The following PTGER3 variants were observed in gnomAD, a reference collection of about 807,000 sequenced individuals.
The protein encoded by PTGER3 is prostaglandin E receptor 3.
A neutral mutation model predicts 34.7 loss-of-function variants in PTGER3; 22 were observed. The observed-to-expected ratio is 0.63, with a 90% CI of 0.45 to 0.91. The LOEUF (loss-of-function observed/expected upper bound fraction) is 0.91, where lower values mean the gene tolerates loss of function less well. Among genes scored for constraint, PTGER3 ranks in the 40% least tolerant of loss-of-function variants. PTGER3 has a pLI of 0.00. For synonymous variants in PTGER3, 241 were observed against 230.1 expected, an observed-to-expected ratio of 1.05 and a Z score of -0.43; for missense variants, 468 against 519.4, an observed-to-expected ratio of 0.90 and a Z score of 0.96.
At chr1:70,952,621 G>T in exon 4 of PTGER3, 1 of 1,048,424 alleles carries the variant, frequency 9.5e-7, no homozygotes, top group Non-Finnish European at 1.1e-6. Flanking sequence ...GCATGCATAT[G>T]AAAAAATTTC....
intron 2 of PTGER3, chr1:71,009,785 A>G: frequency 1.0e-6 from 1 of 985,252 alleles, no homozygotes; most frequent in African/African-American, 1.7e-5. Context: ...CAAACTAAGT[A>G]TACATGAGTG....
intron 2 of PTGER3, among the ~76,000 whole-genome samples, chr1:71,005,660 G>A (rs541386786): frequency 6.6e-6 from 1 of 152,146 alleles, no homozygotes; most frequent in Non-Finnish European, 1.5e-5. Context: ...GCCTGCAGAA[G>A]TGACTTAAAT....
chr1:70,944,697 G>A (rs1650060159), intron 4 of PTGER3, among the ~76,000 whole-genome samples: 2 of 152,048 alleles, frequency 1.3e-5, no homozygotes, highest in Admixed American at 1.3e-4. Flanking sequence ...ATAAGTGGAT[G>A]CTCAAGAACT....
intron 2 of PTGER3, among the ~76,000 whole-genome samples, chr1:70,977,649 T>C (rs552372555): frequency 6.6e-6 from 1 of 152,176 alleles, no homozygotes; most frequent in Non-Finnish European, 1.5e-5. Flanking sequence ...CTCTGATTAC[T>C]TGAGTCCTTG....
chr1:71,008,359 GC>G (rs1177158080), intron 2 of PTGER3: 1 of 858,112 alleles, frequency 1.2e-6, no homozygotes, highest in Admixed American at 6.2e-5. Context: ...AATGCACTCT[GC>G]TTATGGTATC....
chr1:70,983,303 C>T (rs916549910), intron 2 of PTGER3, among the ~76,000 whole-genome samples: 1 of 150,560 alleles, frequency 6.6e-6, no homozygotes, highest in South Asian at 2.1e-4. Flanking sequence ...AACAACGGAA[C>T]TTTCTATGGC....
At chr1:70,865,267 A>T (rs779009078) in intron 4 of PTGER3, among the ~76,000 whole-genome samples, 1 of 152,162 alleles carries the variant, frequency 6.6e-6, no homozygotes, top group South Asian at 2.1e-4. Context: ...TATCAAAAGC[A>T]GTAGGGGTGT....
intron 2 of PTGER3, among the ~76,000 whole-genome samples, chr1:70,985,294 A>C (rs759220887): frequency 6.6e-6 from 1 of 152,272 alleles, no homozygotes; most frequent in Non-Finnish European, 1.5e-5. Context: ...GAGAAAGCCA[A>C]TTATGATTCC....
Position 71,046,935 on chromosome 1 carries a change from C to T in PTGER3, c.643G>A (p.Gly215Arg), listed in dbSNP as rs575960601. The T allele has an allele frequency of 1.2e-6, 2 of 1,607,824 alleles. No homozygotes were observed. The highest frequency in any genetic ancestry group is 2.2e-5 in the East Asian group (1 of 44,806). ...GTWCFISTGR[G>R]GNGTSSSHNW... Reference sequence around the variant, plus strand: ...TGCGAAGAGCTAGTCCCGTTGCCCCCTCGCCCGGTGCTGATGAAGCACCAC... The same window carrying T: ...TGCGAAGAGCTAGTCCCGTTGCCCCTTCGCCCGGTGCTGATGAAGCACCAC... Residue 215 changes from glycine (G) to arginine (R), a missense_variant, in exon 1 of 4, where the codon GGG (glycine) becomes AGG (arginine). By Grantham distance (125) the Gly-to-Arg change is moderately radical (BLOSUM62 -2). Coordinates refer to ENST00000306666, the MANE Select transcript of PTGER3 (RefSeq NM_198719.2).
intron 2 of PTGER3, chr1:71,007,308 T>C: frequency 1.0e-6 from 1 of 985,808 alleles, no homozygotes; most frequent in Non-Finnish European, 1.2e-6. Context: ...TAAACAGGCT[T>C]ACACTATTTG....
At chr1:70,937,265 G>C (rs1649311823) in intron 4 of PTGER3, among the ~76,000 whole-genome samples, 1 of 152,156 alleles carries the variant, frequency 6.6e-6, no homozygotes, top group Non-Finnish European at 1.5e-5. Flanking sequence ...AGCTGATGTG[G>C]TTTTTATTTT....
chr1:71,043,345 G>T (rs1335015625), intron 1 of PTGER3, among the ~76,000 whole-genome samples: 1 of 151,984 alleles, frequency 6.6e-6, no homozygotes, highest in Non-Finnish European at 1.5e-5. Flanking sequence ...ATTGTATTTT[G>T]CAAAATTTCT....
chr1:70,938,442 T>C (rs1179987331), intron 4 of PTGER3, among the ~76,000 whole-genome samples: 2 of 152,156 alleles, frequency 1.3e-5, no homozygotes, highest in Non-Finnish European at 2.9e-5. Flanking sequence ...GATAATGCTG[T>C]GTCTTAAAAA....
At chr1:70,995,814 A>G (rs1353277284) in intron 2 of PTGER3, among the ~76,000 whole-genome samples, 1 of 152,322 alleles carries the variant, frequency 6.6e-6, no homozygotes, top group Admixed American at 6.5e-5. Flanking sequence ...TTCAACTAAT[A>G]TAACTCCTAA....
downstream of PTGER3, among the ~76,000 whole-genome samples, chr1:70,970,228 A>G (rs1652938636): frequency 6.6e-6 from 1 of 152,160 alleles, no homozygotes; most frequent in African/African-American, 2.4e-5. Flanking sequence ...CATCTTTTGT[A>G]AAAATAAAAT....
intron 4 of PTGER3, among the ~76,000 whole-genome samples, chr1:70,942,577 T>C (rs887604732): frequency 2.6e-5 from 4 of 152,310 alleles, no homozygotes; most frequent in South Asian, 4.1e-4. Context: ...TACCCTCTTC[T>C]TTAAGACTGG....
At chr1:70,894,663 C>A (rs1014320862) in intron 4 of PTGER3, among the ~76,000 whole-genome samples, 1 of 152,148 alleles carries the variant, frequency 6.6e-6, no homozygotes, top group Admixed American at 6.5e-5. Flanking sequence ...TTTGATCAAG[C>A]CTCACCTTTA....
chr1:70,953,756 AACTT>A (rs1227860745), intron 3 of PTGER3: 1 of 1,521,936 alleles, frequency 6.6e-7, no homozygotes, highest in Non-Finnish European at 8.8e-7. Flanking sequence ...CTATCTTTGC[AACTT>A]ACTTGCTCTC....
intron 1 of PTGER3, among the ~76,000 whole-genome samples, chr1:71,034,668 CA>C: frequency 6.6e-6 from 1 of 152,256 alleles, no homozygotes; most frequent in East Asian, 1.9e-4. Flanking sequence ...AGGGTGGAAG[CA>C]AAAGGGAGGA....
Sources: gnomAD v4.1 joint callset for allele counts (sites outside exome capture counted in the v4.1 genomes callset) on GRCh38, gnomAD v4.1.1 for gene constraint, MANE v1.5 for transcripts, NCBI Gene and HGNC (gene_info 2026-07-23, HGNC 2026-07-21) for gene names.